Variants in SPTAN1 observed in about 807,000 individuals in gnomAD.
SPTAN1 encodes spectrin alpha chain, non-erythrocytic 1.
In SPTAN1, 61 loss-of-function variants were observed where a neutral mutation model predicts 331.3. The ratio of observed to expected loss-of-function variants is 0.18; its 90% CI spans 0.15 to 0.23. SPTAN1 has a LOEUF of 0.23. SPTAN1 is among the 10% of genes least tolerant of loss of function. The pLI, the probability that SPTAN1 is intolerant of heterozygous loss-of-function variation, is 1.00. For synonymous variants in SPTAN1, 1,153 were observed against 1,173.9 expected (o/e 0.98, Z 0.36); for missense variants, 2,043 against 3,147.9 (o/e 0.65, Z 8.40).
At chr9:128,561,686 A>AAAAAAAAAAAAAAAAAAAAC (rs1849384871) in intron 1 of SPTAN1, among the ~76,000 whole-genome samples, 1 of 147,166 alleles carries the variant, frequency 6.8e-6, no homozygotes, top group Non-Finnish European at 1.5e-5. Context: ...AAAAAAAAAA[A>AAAAAAAAAAAAAAAAAAAAC]AAGAATATGT....
rs921395549 is a variant in SPTAN1 at position 128,625,288 on chromosome 9, G to C, written c.6069+109G>C. On this transcript the variant is annotated intron_variant, in intron 47 of 56. Coordinates refer to ENST00000372739, the MANE Select transcript of SPTAN1 (RefSeq NM_001130438.3). This position sits in a 1 kb window ranked among gnomAD's most constrained non-coding sequence, Gnocchi z 4.1. ...ATCTTCTGTTAGCCCCTGGGGATCA[G>C]CAGGAAAAAGATCCTGTCCTGGTCC... The C allele has an allele frequency of 2.3e-5, 26 of 1,135,020 alleles. No individual in the cohort carries two copies. The highest frequency in any genetic ancestry group is 3.4e-5 in the Non-Finnish European group (26 of 765,068). 70.3% of individuals were successfully genotyped at this position (1,135,020 alleles called of 1,614,324 possible).
At position 128,633,048 on chromosome 9, in the gene SPTAN1, C is replaced by G. The variant is rs576096822; in HGVS notation, c.7308+93C>G. On this transcript the variant is annotated intron_variant, in intron 56 of 56. Transcript: ENST00000372739. ...TGAGTCTGGGGTAACAGGCCCTGCGCTGGGTATTCTCCCCATTTACAAATC... is the reference window on the plus strand; with the variant it reads ...TGAGTCTGGGGTAACAGGCCCTGCGGTGGGTATTCTCCCCATTTACAAATC... 5.8e-4 allele frequency: 928 copies of G among 1,593,566 alleles called. 14 individuals are homozygous for G. The South Asian group carries it at 9.6e-3, about 16-fold the overall frequency.
intron 40 of SPTAN1, among the ~76,000 whole-genome samples, chr9:128,615,292 T>C (rs991741169): frequency 6.6e-6 from 1 of 152,148 alleles, no homozygotes; most frequent in Admixed American, 6.5e-5. Context: ...TTTAAGGACA[T>C]TTTTAAGTGA....
chr9:128,601,558 CAAATAA>C (rs112770152), intron 27 of SPTAN1, among the ~76,000 whole-genome samples: 27,720 of 151,448 alleles, frequency 0.18, 2,960 homozygotes, highest in East Asian at 0.44. Context: ...CCCGGCTCTA[CAAATAA>C]AAATAAAAAT....
At position 128,552,914 on chromosome 9, in the gene SPTAN1, G is replaced by GCGC. The variant is rs1352082345; in HGVS notation, c.-4+225_-4+227dup. On this transcript the variant is annotated intron_variant, in intron 1 of 56. Transcript: ENST00000372739. This position sits in a 1 kb window ranked among gnomAD's most constrained non-coding sequence, Gnocchi z 4.6. Reference sequence around the variant, plus strand: ...GGAGGAGCAGCCGGGCCGAGGCTCGGCGCCGCCGCTGGAATGTCACTGACG... The same window carrying GCGC: ...GGAGGAGCAGCCGGGCCGAGGCTCGGCGCCGCCGCCGCTGGAATGTCACTGACG... 6.6e-6 allele frequency: 1 copy of GCGC among 152,326 alleles called. No individual in the cohort carries two copies. Among genetic ancestry groups the GCGC allele is most frequent in the Non-Finnish European group, 1.5e-5 (1 of 68,148 alleles). The allele number at this position is 152,326 out of a possible 1,614,324, so 9.4% of individuals were successfully genotyped here. A position where few individuals can be genotyped will look rare whatever the true frequency, so the allele number is the denominator to read the frequency against.
intron 2 of SPTAN1, among the ~76,000 whole-genome samples, chr9:128,567,362 G>C (rs1850154585): frequency 6.6e-6 from 1 of 152,176 alleles, no homozygotes; most frequent in African/African-American, 2.4e-5. Context: ...TGTGATCTTG[G>C]CTTACTGCAA....
In SPTAN1 at chr9:128,627,729, T is replaced by C. The variant is rs1345054919; in HGVS notation, c.6690-196T>C. On this transcript the variant is annotated intron_variant, in intron 50 of 56. Coordinates refer to ENST00000372739, the MANE Select transcript of SPTAN1 (RefSeq NM_001130438.3). This position sits in a 1 kb window ranked among gnomAD's most constrained non-coding sequence, Gnocchi z 4.9. ...ACATCAAGTTGTTAGAGATCCCGGATTGAGTGGGACCATGCAGGGCGCGTG... is the reference window on the plus strand; with the variant it reads ...ACATCAAGTTGTTAGAGATCCCGGACTGAGTGGGACCATGCAGGGCGCGTG... The C allele has an allele frequency of 3.7e-6, 3 of 808,414 alleles. No individual in the cohort carries two copies. Among genetic ancestry groups the C allele is most frequent in the African/African-American group, 1.7e-5 (1 of 59,648 alleles). 50.1% of individuals were successfully genotyped at this position (808,414 alleles called of 1,614,324 possible).
At chr9:128,569,001 G>A (rs1296352088) in intron 3 of SPTAN1, 104 bp downstream of exon 3, 13 of 1,507,328 alleles carry the variant, frequency 8.6e-6, no homozygotes, top group Non-Finnish European at 1.2e-5. Context: ...GACTTTTCCA[G>A]CTTTTAAAAG....
intron 41 of SPTAN1, 52 bp downstream of exon 41, chr9:128,615,892 G>T: frequency 6.3e-7 from 1 of 1,588,136 alleles, no homozygotes; most frequent in Non-Finnish European, 8.6e-7. Flanking sequence ...ATAGTGGGCA[G>T]CAGGAACCAC....
intron 23 of SPTAN1, 162 bp downstream of exon 23, chr9:128,593,204 C>T (rs900973753): frequency 5.3e-6 from 4 of 759,606 alleles, no homozygotes; most frequent in Non-Finnish European, 9.2e-6. Flanking sequence ...GAAGAGGTCG[C>T]GGTGCAGCTG....
Position 128,582,474 on chromosome 9 carries a change from C to T in SPTAN1, c.1573-5C>T, listed in dbSNP as rs1025346577. 2 of 1,613,956 alleles carry T rather than the reference C, an allele frequency of 1.2e-6. No individual in the cohort carries two copies. Among genetic ancestry groups the T allele is most frequent in the Non-Finnish European group, 1.7e-6 (2 of 1,179,972 alleles). ...CCAATGAAGAACTCTTATCTTCCTT[C>T]CTAGGCATTAGATGAATTTGCAACC... On this transcript the variant is annotated splice_region_variant and splice_polypyrimidine_tract_variant and intron_variant, in intron 12 of 56. Coordinates refer to ENST00000372739, the MANE Select transcript of SPTAN1 (RefSeq NM_001130438.3).
chr9:128,617,397 C>T (rs772283250), intron 41 of SPTAN1, among the ~76,000 whole-genome samples: 45 of 152,084 alleles, frequency 3.0e-4, no homozygotes, highest in Non-Finnish European at 3.1e-4. Flanking sequence ...GCCTCCCATC[C>T]TCCAGTGCAT....
chr9:128,571,291 G>GA (rs57643375), intron 3 of SPTAN1, among the ~76,000 whole-genome samples: 109,787 of 145,730 alleles, frequency 0.75, 43,445 homozygotes, highest in Non-Finnish European at 0.9. Flanking sequence ...CTGGGAAAAA[G>GA]AAAAAAAAAA....
Position 128,568,682 on chromosome 9 carries a change from T to C in SPTAN1, c.238-90T>C, listed in dbSNP as rs1240729095. The C allele has an allele frequency of 1.4e-5, 22 of 1,563,124 alleles. No homozygotes were observed. The East Asian group carries it at 4.6e-4, about 32-fold the overall frequency. On this transcript the variant is annotated intron_variant, in intron 2 of 56. Transcript: ENST00000372739. ...GTATCCCTAACTAGAGGGAGCAGGATTGAGGAGGGGAGGAACACGGGGAAC... is the reference window on the plus strand; with the variant it reads ...GTATCCCTAACTAGAGGGAGCAGGACTGAGGAGGGGAGGAACACGGGGAAC...
chr9:128,599,040 G>C (rs770015410), intron 26 of SPTAN1, 54 bp downstream of exon 26: 6 of 1,570,008 alleles, frequency 3.8e-6, no homozygotes, highest in Non-Finnish European at 5.3e-6. Context: ...CTTAAATCTT[G>C]GGAAGAATAT....
intron 51 of SPTAN1, chr9:128,630,067 G>C (rs939560105): frequency 1.5e-6 from 1 of 663,488 alleles, no homozygotes; most frequent in Non-Finnish European, 2.8e-6. Context: ...TCCTGGCCTT[G>C]GGAGCAAGAC....
At chr9:128,592,589 C>G (rs996923296) in intron 22 of SPTAN1, among the ~76,000 whole-genome samples, 13 of 152,088 alleles carry the variant, frequency 8.5e-5, no homozygotes, top group African/African-American at 3.1e-4. Context: ...TGTATTCTTA[C>G]CAGTAGTCTG....
rs528654766 is a variant in SPTAN1, at chr9:128,598,244, C to T, written c.3415-156C>T. Among the ~76,000 whole-genome samples, 56 of 152,198 alleles carry T rather than the reference C, an allele frequency of 3.7e-4. 1 individual carries two copies. The highest frequency in any genetic ancestry group is 6.8e-3 in the Middle Eastern group (2 of 294). Reference sequence around the variant, plus strand: ...ATTACAGGCGTGAGCCACCATGCCCCCAGCCATAGCTTATTTTTTTAATCC... The same window carrying T: ...ATTACAGGCGTGAGCCACCATGCCCTCAGCCATAGCTTATTTTTTTAATCC... On this transcript the variant is annotated intron_variant, in intron 24 of 56. Transcript: ENST00000372739.
In SPTAN1 at chr9:128,581,863, T is replaced by C; in HGVS notation, c.1543T>C (p.Ser515Pro). 6.2e-7 allele frequency: 1 copy of C among 1,613,850 alleles called. No homozygotes were observed. Among genetic ancestry groups the C allele is most frequent in the Non-Finnish European group, 8.5e-7 (1 of 1,179,804 alleles). Residue 515 changes from serine (S) to proline (P), a missense_variant, in exon 12 of 57, where the codon TCC becomes CCC. Around this residue, in one of 12 missense-constraint regions of SPTAN1, gnomAD observed 1,038 missense variants for 1,531.5 expected, o/e 0.68. Coordinates refer to ENST00000372739, the MANE Select transcript of SPTAN1 (RefSeq NM_001130438.3). ...TAAGAAGCACGAAGACTTTGAGAAA[T>C]CCCTTAGTGCCCAGGAGGAAAAGAT... ...LLKKHEDFEK[S>P]LSAQEEKITA...
Sources: gnomAD v4.1 joint callset for allele counts (sites outside exome capture counted in the v4.1 genomes callset) on GRCh38, gnomAD v4.1.1 for gene constraint, gnomAD v4.1.1 regional missense constraint, Gnocchi (gnomAD v3.1) non-coding constraint, MANE v1.5 for transcripts, NCBI Gene and HGNC (gene_info 2026-07-23, HGNC 2026-07-21) for gene names.